Variants in ANKHD1 observed in about 807,000 individuals in gnomAD.
The protein encoded by ANKHD1 is ankyrin repeat and KH domain containing 1, also known as ankyrin repeat and KH domain-containing protein 1.
ANKHD1 carries 31 observed loss-of-function variants against 230.5 expected under a neutral mutation model. The ratio of observed to expected loss-of-function variants is 0.13; its 90% confidence interval spans 0.10 to 0.18. The LOEUF (loss-of-function observed/expected upper bound fraction) is 0.18, where lower values mean the gene tolerates loss of function less well. ANKHD1 is among the 10% of genes least tolerant of loss of function. ANKHD1 has a pLI of 1.00. For synonymous variants in ANKHD1, 1,074 were observed against 1,117.6 expected (o/e 0.96, Z 0.78); for missense variants, 2,256 against 3,071.3 (o/e 0.73, Z 6.27).
intron 30 of ANKHD1, among the ~76,000 whole-genome samples, chr5:140,536,351 CCCAAAGTGCTGGGATTA>C (rs1263007462): frequency 6.6e-6 from 1 of 152,312 alleles, no homozygotes; most frequent in East Asian, 1.9e-4. Flanking sequence ...GCCTCAGCCT[CCCAAAGTGCTGGGATTA>C]CAGGCGTGAG....
At chr5:140,509,073 A>G (rs189722627) in intron 20 of ANKHD1, among the ~76,000 whole-genome samples, 3 of 152,296 alleles carry the variant, frequency 2.0e-5, no homozygotes, top group Admixed American at 2.0e-4. Context: ...AATCTAAGTA[A>G]TGAGGAAGTG....
rs984733939 is a variant in ANKHD1, at chr5:140,524,301, G to A, written c.4492+61G>A. On this transcript the variant is annotated intron_variant, in intron 25 of 33. Transcript: ENST00000360839. ...CTCCTTTGTTTATCAACTTCATTTT[G>A]AGTGCTCTTTGCTCTAGTTAACTCT... 23 of 1,490,922 alleles carry A rather than the reference G, an allele frequency of 1.5e-5. No individual in the cohort carries two copies. In the Middle Eastern group the frequency reaches 5.3e-4, roughly 34 times the overall value. 92.4% of individuals were successfully genotyped at this position (1,490,922 alleles called of 1,614,324 possible). A position where few individuals can be genotyped will look rare whatever the true frequency, so the allele number is the denominator to read the frequency against.
At position 140,529,563 on chromosome 5, in the gene ANKHD1, C is replaced by A. The variant is rs2032315747; in HGVS notation, c.6617C>A (p.Pro2206Gln). ...ANKSLPPTFG[P>Q]ATLFNHFSSL... ...AAGTCTTTGCCACCTACATTTGGCC[C>A]AGCCACACTTTTCAATCACTTCAGC... Residue 2206 changes from proline to glutamine, a missense_variant, in exon 29 of 34, where the codon CCA becomes CAA. Physicochemically the swap from Pro to Gln is moderately conservative, Grantham distance 76 (BLOSUM62 -1). This residue lies in a region of ANKHD1 where 778 missense variants were observed against 966.5 expected (regional missense o/e 0.80). Transcript: ENST00000360839. 1 of 1,614,204 alleles carries A rather than the reference C, an allele frequency of 6.2e-7. No individual in the cohort carries two copies.
intron 10 of ANKHD1, among the ~76,000 whole-genome samples, chr5:140,474,746 A>G (rs1750871794): frequency 6.6e-6 from 1 of 151,770 alleles, no homozygotes; most frequent in Non-Finnish European, 1.5e-5. Flanking sequence ...ACAGGTATGC[A>G]CCACAATGCC....
chr5:140,422,270 C>T (rs1488567377), intron 1 of ANKHD1, among the ~76,000 whole-genome samples: 12 of 151,904 alleles, frequency 7.9e-5, no homozygotes, highest in Admixed American at 7.9e-4. Flanking sequence ...TTACAGGCGC[C>T]CACCACCACG....
intron 10 of ANKHD1, among the ~76,000 whole-genome samples, chr5:140,466,261 C>T (rs1310762966): frequency 2.0e-5 from 3 of 152,054 alleles, no homozygotes; most frequent in Non-Finnish European, 4.4e-5. Flanking sequence ...TGTGGTGGCA[C>T]ATGCCTGTAA....
At chr5:140,535,795 A>T in intron 30 of ANKHD1, 1 of 275,360 alleles carries the variant, frequency 3.6e-6, no homozygotes, top group Non-Finnish European at 6.1e-6. Context: ...AGTGGCTGAC[A>T]CCTGTAATCC....
intron 1 of ANKHD1, among the ~76,000 whole-genome samples, chr5:140,419,870 T>C (rs1418211666): frequency 1.1e-4 from 15 of 135,810 alleles, no homozygotes; most frequent in Middle Eastern, 3.7e-3. Context: ...TTCTTTTCTT[T>C]CTTTCTTCTT....
At chr5:140,492,609 A>C (rs1751858558) in intron 14 of ANKHD1, among the ~76,000 whole-genome samples, 1 of 152,198 alleles carries the variant, frequency 6.6e-6, no homozygotes, top group Non-Finnish European at 1.5e-5. Flanking sequence ...ATACTTTTTC[A>C]ACCTGATTTT....
intron 11 of ANKHD1, among the ~76,000 whole-genome samples, chr5:140,484,360 A>G (rs542957951): frequency 7.9e-5 from 12 of 152,212 alleles, no homozygotes; most frequent in Non-Finnish European, 1.3e-4. Flanking sequence ...CAAAAAAGAA[A>G]CTAAGAAAAG....
intron 1 of ANKHD1, 100 bp downstream of exon 1, chr5:140,402,373 C>T (rs950653577): frequency 7.3e-5 from 100 of 1,360,666 alleles, no homozygotes; most frequent in Non-Finnish European, 9.2e-5. Context: ...CTGGTGGAGC[C>T]CTTCTGTGAC....
intron 1 of ANKHD1, among the ~76,000 whole-genome samples, chr5:140,406,230 T>A (rs2126835505): frequency 6.7e-6 from 1 of 149,498 alleles, no homozygotes; most frequent in Admixed American, 6.7e-5. Context: ...AGAGAGAGAC[T>A]CTGTCTCAAA....
intron 1 of ANKHD1, among the ~76,000 whole-genome samples, chr5:140,423,667 C>T (rs982526601): frequency 1.1e-4 from 16 of 152,142 alleles, no homozygotes; most frequent in Non-Finnish European, 2.9e-5. Context: ...ATTTAAGAGA[C>T]CTTCCAACTA....
intron 1 of ANKHD1, among the ~76,000 whole-genome samples, chr5:140,427,527 G>T (rs1772586804): frequency 7.1e-6 from 1 of 140,990 alleles, no homozygotes; most frequent in African/African-American, 2.6e-5. Flanking sequence ...CTCCCGGACG[G>T]GGCGGCTGGC....
At chr5:140,521,984 AAAAT>A (rs1317515240) in intron 24 of ANKHD1, among the ~76,000 whole-genome samples, 5 of 152,322 alleles carry the variant, frequency 3.3e-5, no homozygotes, top group Non-Finnish European at 5.9e-5. Context: ...GTCTCAAAAT[AAAAT>A]AAATAAAGTT....
In ANKHD1 at chr5:140,496,443, CTTTTTTTTTTTTCTTTTCTT is replaced by C; in HGVS notation, c.2246-64_2246-45del. On this transcript the variant is annotated intron_variant, in intron 14 of 33. Coordinates refer to ENST00000360839, the MANE Select transcript of ANKHD1 (RefSeq NM_017747.3). ...GTGTGTGGGAGGGGAGGCTGGTTTT[CTTTTTTTTTTTTCTTTTCTT>C]TTTTTTTTTTTTTTTTTTTAGCATG... is the stretch of plus-strand genomic sequence containing the variant. 39 of 718,924 alleles carry C rather than the reference CTTTTTTTTTTTTCTTTTCTT, an allele frequency of 5.4e-5. No homozygotes were observed. In the East Asian group the frequency reaches 2.0e-3, roughly 37 times the overall value. The allele number at this position is 718,924 out of a possible 1,614,324, so 44.5% of individuals were successfully genotyped here. A position where few individuals can be genotyped will look rare whatever the true frequency, so the allele number is the denominator to read the frequency against.
At chr5:140,496,149 G>A (rs1294600029) in intron 14 of ANKHD1, among the ~76,000 whole-genome samples, 1 of 152,112 alleles carries the variant, frequency 6.6e-6, no homozygotes, top group Admixed American at 6.5e-5. Context: ...TACTGCTTTA[G>A]ATTTGGTGTT....
chr5:140,462,205 T>C (rs1307017148), intron 9 of ANKHD1, among the ~76,000 whole-genome samples: 1 of 152,110 alleles, frequency 6.6e-6, no homozygotes, highest in South Asian at 2.1e-4. Context: ...ACTTCATAGG[T>C]GGTATTTGTA....
chr5:140,499,817 C>A (rs145345336), intron 15 of ANKHD1, among the ~76,000 whole-genome samples: 150 of 151,040 alleles, frequency 9.9e-4, no homozygotes, highest in African/African-American at 3.5e-3. Context: ...TAAAGAAATT[C>A]AAAATAGCTT....
Sources: allele counts gnomAD v4.1 joint callset (sites outside exome capture counted in the v4.1 genomes callset), GRCh38; gene constraint gnomAD v4.1.1; regional missense constraint gnomAD v4.1.1; transcripts MANE v1.5; gene names NCBI Gene and HGNC (gene_info 2026-07-23, HGNC 2026-07-21).